The following NHP2 variants were observed in gnomAD, a reference collection of about 807,000 sequenced individuals.
NHP2 encodes the protein H/ACA ribonucleoprotein complex subunit 2.
Under a neutral mutation model 16.7 loss-of-function variants are expected in NHP2, and 10 were observed. The ratio of observed to expected loss-of-function variants is 0.60; its 90% CI spans 0.37 to 1.01. NHP2 has a LOEUF of 1.01. Among genes scored for constraint, NHP2 ranks in the 50% least tolerant of loss-of-function variants. The pLI, the probability that NHP2 is intolerant of heterozygous loss-of-function variation, is 0.01. For synonymous variants in NHP2, 87 were observed against 78.9 expected (o/e 1.10, Z -0.54); for missense variants, 184 against 198.3 (o/e 0.93, Z 0.43).
At chr5:178,151,948 A>C (rs1454974453) in intron 2 of NHP2, among the ~76,000 whole-genome samples, 1 of 151,942 alleles carries the variant, frequency 6.6e-6, no homozygotes, top group Non-Finnish European at 1.5e-5. Flanking sequence ...TTCTACACAA[A>C]TCTGGTCCCC....
At chr5:178,151,282 CTGTG>C (rs1023944064) in intron 2 of NHP2, among the ~76,000 whole-genome samples, 19 of 152,314 alleles carry the variant, frequency 1.2e-4, no homozygotes, top group Admixed American at 2.6e-4. Context: ...TGATGGATGA[CTGTG>C]TGGCAGGCAG....
chr5:178,153,261 G>A, intron 2 of NHP2: 1 of 618,076 alleles, frequency 1.6e-6, no homozygotes, highest in East Asian at 2.9e-5. Flanking sequence ...TTTACTCTAA[G>A]GGACTTTGCT....
Position 178,150,873 on chromosome 5 carries a change from C to G in NHP2, c.336+15G>C. ...CCCAGTGCTGAGCAAGGTCAGGGGG[C>G]CACGTGCTCCTTACCGTCTTAGAGG... On this transcript the variant is annotated intron_variant, in intron 3 of 3. Transcript: ENST00000274606. The G allele has an allele frequency of 6.5e-7, 1 of 1,546,508 alleles. No homozygotes were observed. The highest frequency in any genetic ancestry group is 8.9e-7 in the Non-Finnish European group (1 of 1,118,416).
intron 2 of NHP2, among the ~76,000 whole-genome samples, chr5:178,151,878 G>A (rs959970599): frequency 5.3e-5 from 8 of 152,066 alleles, no homozygotes; most frequent in Admixed American, 1.3e-4. Context: ...GTGGGGCGGG[G>A]TGGAAGTCAT....
At chr5:178,151,900 G>T (rs2113472038) in intron 2 of NHP2, among the ~76,000 whole-genome samples, 1 of 152,140 alleles carries the variant, frequency 6.6e-6, no homozygotes, top group Admixed American at 6.5e-5. Context: ...TGTCTCTACA[G>T]CACCTCAAAA....
chr5:178,153,132 G>C, intron 2 of NHP2: 1 of 390,842 alleles, frequency 2.6e-6, no homozygotes, highest in Non-Finnish European at 4.8e-6. Context: ...TACAGAGCCG[G>C]AGAGGGGTCA....
At chr5:178,152,012 CAG>C (rs1308790200) in intron 2 of NHP2, among the ~76,000 whole-genome samples, 4 of 152,090 alleles carry the variant, frequency 2.6e-5, no homozygotes, top group Non-Finnish European at 5.9e-5. Context: ...CTGGGCATGT[CAG>C]AACCTAGAAG....
At chr5:178,150,238 A>T (rs187158883) in intron 3 of NHP2, 4 of 219,502 alleles carry the variant, frequency 1.8e-5, no homozygotes, top group Non-Finnish European at 3.7e-5. Flanking sequence ...TTTCACATAC[A>T]TCTATCTCTT....
intron 3 of NHP2, 108 bp from the exon 4 acceptor site, chr5:178,149,946 G>T: frequency 8.2e-7 from 1 of 1,218,736 alleles, no homozygotes; most frequent in East Asian, 2.4e-5. Context: ...ACCATGTTCT[G>T]TTCGGTCCAT....
At chr5:178,150,384 A>C (rs199800363) in intron 3 of NHP2, 81 of 225,876 alleles carry the variant, frequency 3.6e-4, no homozygotes, top group South Asian at 7.8e-4. Flanking sequence ...CCCAGCCTCT[A>C]TTTTTTTTTT....
intron 2 of NHP2, chr5:178,153,078 C>G: frequency 3.1e-6 from 1 of 322,604 alleles, no homozygotes; most frequent in Non-Finnish European, 6.0e-6. Context: ...AGAGCTAGAC[C>G]CATCTCAAAA....
At chr5:178,152,572 A>G (rs933038854) in intron 2 of NHP2, among the ~76,000 whole-genome samples, 3 of 152,212 alleles carry the variant, frequency 2.0e-5, no homozygotes, top group Non-Finnish European at 2.9e-5. Context: ...GGAGCTTACC[A>G]TCTGGCCTGA....
Position 178,153,846 on chromosome 5 carries a change from G to A in NHP2, c.-29C>T, listed in dbSNP as rs1345806113. 4 of 1,593,700 alleles carry A rather than the reference G, an allele frequency of 2.5e-6. No individual in the cohort carries two copies. The highest frequency in any genetic ancestry group is 2.6e-6 in the Non-Finnish European group (3 of 1,170,490). ...AGCGGCCGCTGAAACCTAGTCCCAG[G>A]GAGGCGAGCCCACGCGGTCCACAGC... is the stretch of plus-strand genomic sequence containing the variant. On this transcript the variant is annotated 5_prime_UTR_variant, in exon 1 of 4. Transcript: ENST00000274606.
chr5:178,149,849 G>A lies in NHP2; in HGVS notation c.337-11C>T, dbSNP rs1028921372. ...GGCTGCACCCAGGTCCTACAGAGGG[G>A]AAAGAAGTGCTGTTTGGAAAAAAGC... On this transcript the variant is annotated splice_polypyrimidine_tract_variant and intron_variant, in intron 3 of 3. Coordinates refer to ENST00000274606, the MANE Select transcript of NHP2 (RefSeq NM_017838.4). 1 of 1,613,068 alleles carries A rather than the reference G, an allele frequency of 6.2e-7. No homozygotes were observed. The highest frequency in any genetic ancestry group is 1.1e-5 in the South Asian group (1 of 90,920).
At chr5:178,152,692 GCTAT>G (rs142235306) in intron 2 of NHP2, among the ~76,000 whole-genome samples, 2,603 of 152,300 alleles carry the variant, frequency 0.017, 42 homozygotes, top group East Asian at 0.086. Flanking sequence ...TTCCTTCATG[GCTAT>G]CTATCACAAC....
Position 178,153,539 on chromosome 5 carries a change from C to G in NHP2, c.182G>C (p.Arg61Pro). 2 of 1,614,194 alleles carry G rather than the reference C, an allele frequency of 1.2e-6. No individual in the cohort carries two copies. Among genetic ancestry groups the G allele is most frequent in the Non-Finnish European group, 8.5e-7 (1 of 1,180,032 alleles). ...IKKAVKQKQI[R>P]RGVKEVQKFV... The stretch of plus-strand genomic sequence containing the variant: ...TTTCTGAACCTCTTTCACCCCGCGC[C>G]GAATCTGCTTCTGCTTCACCGCTGC... Residue 61 changes from arginine (R) to proline (P), a missense_variant, in exon 2 of 4, where the codon CGG becomes CCG. Physicochemically the swap from Arg to Pro is moderately radical, Grantham distance 103 (BLOSUM62 -2). Transcript: ENST00000274606.
At chr5:178,150,042 C>T in intron 3 of NHP2, 1 of 509,676 alleles carries the variant, frequency 2.0e-6, no homozygotes. Flanking sequence ...ACAGGGCCTA[C>T]ATTCCCACAT....
At chr5:178,149,993 T>C in intron 3 of NHP2, 155 bp from the exon 4 acceptor site, 2 of 779,256 alleles carry the variant, frequency 2.6e-6, no homozygotes, top group Non-Finnish European at 4.1e-6. Context: ...GTTGCCATCA[T>C]TTAAACTCAA....
chr5:178,151,971 C>T (rs1365121684), intron 2 of NHP2, among the ~76,000 whole-genome samples: 3 of 152,064 alleles, frequency 2.0e-5, no homozygotes, highest in Non-Finnish European at 2.9e-5. Context: ...CCACTGTTCA[C>T]ATCTCAAGAT....
Sources: allele counts gnomAD v4.1 joint callset (sites outside exome capture counted in the v4.1 genomes callset), GRCh38; gene constraint gnomAD v4.1.1; transcripts MANE v1.5; gene names NCBI Gene and HGNC (gene_info 2026-07-23, HGNC 2026-07-21).